Variants in CSMD1 observed in about 807,000 individuals in gnomAD.
CSMD1 encodes the protein CUB and sushi domain-containing protein 1.
A neutral mutation model predicts 417.5 loss-of-function variants in CSMD1; 213 were observed. The ratio of observed to expected loss-of-function variants is 0.51; its 90% CI spans 0.46 to 0.57. CSMD1 has a LOEUF of 0.57. Ranked by LOEUF, CSMD1 falls within the 20% of genes least tolerant of loss-of-function variation. The probability of loss-of-function intolerance (pLI) is 0.00; values close to 1 mark genes in which losing one functional copy is unlikely to be tolerated. For missense variants in CSMD1, 6,923 were observed against 4,529.7 expected (o/e 1.53, Z -15.17); for synonymous variants, 2,862 against 1,736.8 (o/e 1.65, Z -16.11).
At chr8:4,359,126 G>T (rs1413241426) in intron 3 of CSMD1, among the ~76,000 whole-genome samples, 2 of 152,158 alleles carry the variant, frequency 1.3e-5, no homozygotes, top group Non-Finnish European at 2.9e-5. Flanking sequence ...TAGAAATTTA[G>T]AAGGCAGAGT....
At chr8:4,916,088 C>A (rs1042764083) in intron 1 of CSMD1, among the ~76,000 whole-genome samples, 2 of 152,140 alleles carry the variant, frequency 1.3e-5, no homozygotes, top group Non-Finnish European at 1.5e-5. Context: ...CGTTCATATG[C>A]CAGAAAGACA....
rs182227765 is a variant in CSMD1 at position 3,220,167 on chromosome 8, T to C, written c.4485-725A>G. ...GACCCTGTCAAAAAAAAAAAAAGAC[T>C]CCACTTGCGTGGATAAATCAGCGAA... is the stretch of plus-strand genomic sequence containing the variant. On this transcript the variant is annotated intron_variant, in intron 28 of 69. Transcript: ENST00000635120. Among the ~76,000 whole-genome samples, 11 of 116,640 alleles carry C rather than the reference T, an allele frequency of 9.4e-5. No individual in the cohort carries two copies. The East Asian group carries it at 1.8e-3, about 19-fold the overall frequency. 76.5% of individuals were successfully genotyped at this position (116,640 alleles called of 152,430 possible).
chr8:3,803,327 C>G (rs1800560467), intron 5 of CSMD1, among the ~76,000 whole-genome samples: 2 of 152,068 alleles, frequency 1.3e-5, no homozygotes. Flanking sequence ...CTGCTATACA[C>G]AAATACTTCA....
intron 11 of CSMD1, among the ~76,000 whole-genome samples, chr8:3,473,380 T>C (rs1432400546): frequency 6.6e-6 from 1 of 152,200 alleles, no homozygotes; most frequent in Non-Finnish European, 1.5e-5. Context: ...TTATTATAGT[T>C]ATTTTAAAGC....
chr8:3,472,333 T>C (rs1817154666), intron 11 of CSMD1, among the ~76,000 whole-genome samples: 1 of 152,120 alleles, frequency 6.6e-6, no homozygotes, highest in Admixed American at 6.6e-5. Context: ...ATTGTAAGTG[T>C]GTACTTTCTG....
intron 2 of CSMD1, among the ~76,000 whole-genome samples, chr8:4,421,952 C>G (rs1585049264): frequency 6.6e-6 from 1 of 151,818 alleles, no homozygotes; most frequent in Non-Finnish European, 1.5e-5. Context: ...GAGTCACTGT[C>G]ATTAAACATC....
intron 5 of CSMD1, among the ~76,000 whole-genome samples, chr8:3,852,007 T>A (rs1803944430): frequency 6.6e-6 from 1 of 152,064 alleles, no homozygotes; most frequent in Non-Finnish European, 1.5e-5. Flanking sequence ...GGGGCTGCAA[T>A]CACCGGTGAG....
intron 5 of CSMD1, among the ~76,000 whole-genome samples, chr8:3,766,632 G>T (rs979990644): frequency 3.3e-5 from 5 of 151,524 alleles, no homozygotes; most frequent in African/African-American, 7.3e-5. Flanking sequence ...TAAATTCCAC[G>T]CACAGTCGAT....
At chr8:3,819,505 G>T (rs929950692) in intron 5 of CSMD1, among the ~76,000 whole-genome samples, 1 of 151,268 alleles carries the variant, frequency 6.6e-6, no homozygotes, top group South Asian at 2.1e-4. Flanking sequence ...CTCCAAGAAT[G>T]CTGGAGCTCA....
chr8:4,176,818 CAA>C (rs1158093225), intron 3 of CSMD1, among the ~76,000 whole-genome samples: 2 of 147,246 alleles, frequency 1.4e-5, no homozygotes, highest in Non-Finnish European at 3.0e-5. Flanking sequence ...CAACAACGAT[CAA>C]AAGAGACAAA....
chr8:3,266,051 C>G (rs188268861), intron 26 of CSMD1, among the ~76,000 whole-genome samples: 1 of 151,728 alleles, frequency 6.6e-6, no homozygotes, highest in Non-Finnish European at 1.5e-5. Context: ...AAATAGAGAG[C>G]TTTGAAGTTA....
At chr8:4,985,328 G>A (rs558552901) in intron 1 of CSMD1, among the ~76,000 whole-genome samples, 1 of 151,488 alleles carries the variant, frequency 6.6e-6, no homozygotes, top group African/African-American at 2.4e-5. Context: ...ATTTACCTAT[G>A]TAACAAAACT....
chr8:4,384,914 T>G (rs1443236752), intron 3 of CSMD1, among the ~76,000 whole-genome samples: 1 of 152,200 alleles, frequency 6.6e-6, no homozygotes, highest in East Asian at 1.9e-4. Context: ...GCTGGATGGC[T>G]TCCAGATCAA....
chr8:3,157,731 C>A (rs1018988051), intron 39 of CSMD1, among the ~76,000 whole-genome samples, 166 bp downstream of exon 39: 2 of 152,218 alleles, frequency 1.3e-5, no homozygotes, highest in African/African-American at 2.4e-5. Flanking sequence ...GGGGAAGGTG[C>A]AGGTTAAACG....
chr8:4,828,224 T>A (rs546928640), intron 1 of CSMD1, among the ~76,000 whole-genome samples: 2 of 152,310 alleles, frequency 1.3e-5, no homozygotes, highest in East Asian at 3.9e-4. Flanking sequence ...ATATTCTACA[T>A]GCTAAGCCAA....
At chr8:4,533,403 T>C (rs533235476) in intron 2 of CSMD1, among the ~76,000 whole-genome samples, 4 of 152,288 alleles carry the variant, frequency 2.6e-5, no homozygotes, top group African/African-American at 4.8e-5. Context: ...ATGACCAGGA[T>C]GGACGGACAA....
intron 13 of CSMD1, 147 bp downstream of exon 13, chr8:3,409,276 G>T (rs1360050674): frequency 1.7e-6 from 1 of 577,230 alleles, no homozygotes; most frequent in Non-Finnish European, 2.7e-6. Context: ...GTTCGAGAAC[G>T]TCCTTGCACG....
chr8:4,964,828 T>C (rs1809750379), intron 1 of CSMD1, among the ~76,000 whole-genome samples: 2 of 152,204 alleles, frequency 1.3e-5, no homozygotes, highest in African/African-American at 4.8e-5. Context: ...GCACCCACGA[T>C]GGACTTTAAT....
intron 3 of CSMD1, among the ~76,000 whole-genome samples, chr8:4,328,798 T>C (rs1266884816): frequency 6.6e-6 from 1 of 152,218 alleles, no homozygotes; most frequent in South Asian, 2.1e-4. Context: ...CTCTTTGAAA[T>C]AAACTTCCAA....
Sources: gnomAD v4.1 joint callset for allele counts (sites outside exome capture counted in the v4.1 genomes callset) on GRCh38, gnomAD v4.1.1 for gene constraint, MANE v1.5 for transcripts, NCBI Gene and HGNC (gene_info 2026-07-23, HGNC 2026-07-21) for gene names.